CCDC125: variants seen among roughly 807,000 people sequenced by gnomAD.
CCDC125 encodes coiled-coil domain-containing protein 125.
In CCDC125, 43 loss-of-function variants were observed where a neutral mutation model predicts 57.4. The observed-to-expected ratio is 0.75, with a 90% CI of 0.59 to 0.97. The LOEUF (loss-of-function observed/expected upper bound fraction) is 0.97. CCDC125 is among the 50% of genes least tolerant of loss of function. CCDC125 has a pLI of 0.00. For missense variants in CCDC125, 563 were observed against 595.7 expected, an observed-to-expected ratio of 0.95 and a Z score of 0.57; for synonymous variants, 187 against 195.2, an observed-to-expected ratio of 0.96 and a Z score of 0.35.
At chr5:69,274,679 G>A in the CCDC125 span, among the ~76,000 whole-genome samples, 19 of 152,096 alleles carry the variant, frequency 1.2e-4, no homozygotes, top group South Asian at 8.3e-4. Flanking sequence ...GCAGTGGCAC[G>A]ATCTTGACTC....
rs1752466052 is a variant in CCDC125, at chr5:69,281,383, TC to T, written c.*1345del. The T allele has an allele frequency of 6.6e-6, 1 of 151,764 alleles. No homozygotes were observed. Among genetic ancestry groups the T allele is most frequent in the African/African-American group, 2.4e-5 (1 of 41,274 alleles). 9.4% of individuals were successfully genotyped at this position (151,764 alleles called of 1,614,324 possible). ...ATTCACATACCACAAACAAAAAAAC[TC>T]CTAGAAATCACCTTGGCTCAGGCAG... is the stretch of plus-strand genomic sequence containing the variant. On this transcript the variant is annotated 3_prime_UTR_variant, in exon 12 of 12. Transcript: ENST00000396496.
intron 8 of CCDC125, among the ~76,000 whole-genome samples, chr5:69,297,936 G>C (rs1449414717): frequency 6.6e-6 from 1 of 151,580 alleles, no homozygotes; most frequent in South Asian, 2.1e-4. Flanking sequence ...TTGTGCCACT[G>C]TACTCCAGCC....
rs143880625 is a variant in CCDC125, at chr5:69,319,020, C to T, written c.304+1217G>A. On this transcript the variant is annotated intron_variant, in intron 2 of 11. Coordinates refer to ENST00000396496, the MANE Select transcript of CCDC125 (RefSeq NM_176816.5). ...GTGGTACAATTTTGGCTCCACCTCC[C>T]GGGTTCAAGCAATTCTTGTGCCTCG... 5.9e-3 allele frequency among the ~76,000 whole-genome samples: 901 copies of T among 151,750 alleles called. 9 individuals carry two copies. Among genetic ancestry groups the T allele is most frequent in the African/African-American group, 0.021 (863 of 41,344 alleles).
downstream of CCDC125, among the ~76,000 whole-genome samples, chr5:69,277,912 G>C (rs539576955): frequency 1.4e-4 from 22 of 152,292 alleles, no homozygotes; most frequent in African/African-American, 5.3e-4. Context: ...GGGGGACAAA[G>C]TCTCACTCTG....
intron 10 of CCDC125, 137 bp downstream of exon 10, chr5:69,292,051 T>TAACTATGG: frequency 1.3e-6 from 1 of 783,126 alleles, no homozygotes; most frequent in Non-Finnish European, 2.0e-6. Flanking sequence ...AGTTGCTAAG[T>TAACTATGG]TTTTAAGTAA....
intron 1 of CCDC125, among the ~76,000 whole-genome samples, chr5:69,328,566 T>G (rs1761010442): frequency 6.6e-6 from 1 of 152,072 alleles, no homozygotes. Context: ...CATATACAAG[T>G]GTAAAACATA....
intron 11 of CCDC125, among the ~76,000 whole-genome samples, chr5:69,283,488 G>A (rs1167105233): frequency 3.3e-5 from 5 of 151,432 alleles, no homozygotes; most frequent in Admixed American, 3.3e-4. Context: ...CCAAAGTGCT[G>A]GGATTACAGG....
chr5:69,304,979 ATATGGGAAATCTCCG>A (rs1757102521), intron 6 of CCDC125, among the ~76,000 whole-genome samples: 2 of 151,978 alleles, frequency 1.3e-5, no homozygotes, highest in East Asian at 3.9e-4. Flanking sequence ...GAGGCTGTGT[ATATGGGAAATCTCCG>A]TACCTTCTGA....
chr5:69,318,140 C>A (rs763384963), intron 2 of CCDC125, among the ~76,000 whole-genome samples: 2 of 151,752 alleles, frequency 1.3e-5, no homozygotes, highest in Non-Finnish European at 2.9e-5. Context: ...CGCCACCATG[C>A]CTGGCTAATT....
chr5:69,280,817 T>G lies in CCDC125; in HGVS notation c.*1912A>C, dbSNP rs1282074724. 6.6e-6 allele frequency: 1 copy of G among 152,468 alleles called. No individual in the cohort carries two copies. The highest frequency in any genetic ancestry group is 6.5e-5 in the Admixed American group (1 of 15,282). 9.4% of individuals were successfully genotyped at this position (152,468 alleles called of 1,614,324 possible). On this transcript the variant is annotated 3_prime_UTR_variant, in exon 12 of 12. Coordinates refer to ENST00000396496, the MANE Select transcript of CCDC125 (RefSeq NM_176816.5). ...CTTTTGTATTGATAGCCTTTTCTTT[T>G]GGAGATGGGGGTCTCACTCTGTCAC...
At chr5:69,320,200 C>T in intron 2 of CCDC125, 37 bp downstream of exon 2, 4 of 1,540,594 alleles carry the variant, frequency 2.6e-6, no homozygotes, top group Non-Finnish European at 2.7e-6. Context: ...ATACTATGCA[C>T]AGGAGAAAGA....
intron 7 of CCDC125, 151 bp from the exon 8 acceptor site, chr5:69,300,278 G>A: frequency 1.6e-6 from 1 of 630,840 alleles, no homozygotes; most frequent in South Asian, 1.8e-5. Context: ...TGATAGAATA[G>A]TGAGTATCAC....
At chr5:69,303,699 G>A (rs1428049323) in intron 7 of CCDC125, 148 bp downstream of exon 7, 2 of 573,474 alleles carry the variant, frequency 3.5e-6, no homozygotes, top group Non-Finnish European at 3.0e-6. Context: ...TTTATGTTAT[G>A]TGAATTTCAC....
chr5:69,306,972 C>T, intron 5 of CCDC125, 70 bp from the exon 6 acceptor site: 2 of 1,341,568 alleles, frequency 1.5e-6, no homozygotes, highest in African/African-American at 1.5e-5. Context: ...TTGTGAATAG[C>T]TGAAATAAAT....
chr5:69,283,505 C>A (rs1306526808), intron 11 of CCDC125, among the ~76,000 whole-genome samples: 1 of 151,666 alleles, frequency 6.6e-6, no homozygotes, highest in African/African-American at 2.4e-5. Context: ...CAGGCGTGAG[C>A]CACCGTGCCC....
chr5:69,287,011 A>AG (rs1753608306), intron 10 of CCDC125, among the ~76,000 whole-genome samples: 1 of 151,226 alleles, frequency 6.6e-6, no homozygotes. Context: ...AAAAAAAAAA[A>AG]AACCCAAAAG....
In CCDC125 at chr5:69,282,806, T is replaced by C. The variant is rs1365886161; in HGVS notation, c.1459A>G (p.Ile487Val). ...TTTGGATCTATTTGAGAGTGCTGGA[T>C]TGAACAAATGCAGCCCACAGAATTT... ...ILNSVGCICS[I>V]QHSQIDPNYR... Residue 487 changes from isoleucine to valine, a missense_variant, in exon 12 of 12, where the codon ATC becomes GTC. Coordinates refer to ENST00000396496, the MANE Select transcript of CCDC125 (RefSeq NM_176816.5). 4 of 1,614,128 alleles carry C rather than the reference T, an allele frequency of 2.5e-6. No homozygotes were observed. Among genetic ancestry groups the C allele is most frequent in the Non-Finnish European group, 3.4e-6 (4 of 1,179,988 alleles).
At chr5:69,292,391 T>A in intron 9 of CCDC125, 29 bp from the exon 10 acceptor site, 1 of 1,587,388 alleles carries the variant, frequency 6.3e-7, no homozygotes, top group Non-Finnish European at 8.6e-7. Flanking sequence ...TTGGGAGGTG[T>A]CAGAGGCAAA....
At chr5:69,322,893 C>T (rs754501293) in intron 1 of CCDC125, among the ~76,000 whole-genome samples, 1 of 151,852 alleles carries the variant, frequency 6.6e-6, no homozygotes, top group Non-Finnish European at 1.5e-5. Context: ...TGGTGGCACA[C>T]GCCTACTCAG....
Sources: allele counts gnomAD v4.1 joint callset (sites outside exome capture counted in the v4.1 genomes callset), GRCh38; gene constraint gnomAD v4.1.1; transcripts MANE v1.5; gene names NCBI Gene and HGNC (gene_info 2026-07-23, HGNC 2026-07-21).